Variants in ITPR2 observed in about 807,000 individuals in gnomAD.
ITPR2 encodes inositol 1,4,5-trisphosphate receptor type 2, also known as inositol 1,4,5-trisphosphate-gated calcium channel ITPR2.
ITPR2 carries 207 observed loss-of-function variants against 317.1 expected under a neutral mutation model. The ratio of observed to expected loss-of-function variants is 0.65; its 90% CI spans 0.58 to 0.73. The LOEUF is 0.73. ITPR2 is among the 30% of genes least tolerant of loss of function. The pLI, the probability that ITPR2 is intolerant of heterozygous loss-of-function variation, is 0.00. For missense variants in ITPR2, 2,613 were observed against 3,284.0 expected (o/e 0.80, Z 4.99); for synonymous variants, 1,156 against 1,149.1 (o/e 1.01, Z -0.12).
At chr12:26,727,754 A>G (rs1948955847) in intron 2 of ITPR2, among the ~76,000 whole-genome samples, 1 of 152,234 alleles carries the variant, frequency 6.6e-6, no homozygotes, top group African/African-American at 2.4e-5. Context: ...AAGCTTCACA[A>G]GGGAGCTCTG....
At chr12:26,388,967 C>A (rs1939750800) in intron 54 of ITPR2, among the ~76,000 whole-genome samples, 1 of 152,174 alleles carries the variant, frequency 6.6e-6, no homozygotes, top group African/African-American at 2.4e-5. Context: ...ATTCTTGAAT[C>A]CTCTCCGCCT....
At chr12:26,446,776 T>C (rs1202422207) in intron 45 of ITPR2, among the ~76,000 whole-genome samples, 1 of 148,646 alleles carries the variant, frequency 6.7e-6, no homozygotes, top group East Asian at 2.0e-4. Context: ...CCTTCACATG[T>C]TCAAAGTATT....
intron 45 of ITPR2, among the ~76,000 whole-genome samples, chr12:26,463,918 C>A (rs1327763912): frequency 1.3e-5 from 2 of 152,130 alleles, no homozygotes; most frequent in Non-Finnish European, 2.9e-5. Context: ...ACACGCACAG[C>A]ACGCTAAATA....
At chr12:26,530,520 T>C (rs1591863255) in intron 37 of ITPR2, among the ~76,000 whole-genome samples, 1 of 152,198 alleles carries the variant, frequency 6.6e-6, no homozygotes, top group South Asian at 2.1e-4. Flanking sequence ...AAGACCATTG[T>C]TCTCTGGCTC....
intron 26 of ITPR2, among the ~76,000 whole-genome samples, chr12:26,610,211 T>C (rs1437178849): frequency 1.3e-5 from 2 of 152,228 alleles, no homozygotes; most frequent in Non-Finnish European, 2.9e-5. Flanking sequence ...TCTACCAGAT[T>C]CTGTCAAAAG....
At chr12:26,486,879 C>T (rs1246877919) in intron 40 of ITPR2, 189 bp downstream of exon 40, 2 of 698,596 alleles carry the variant, frequency 2.9e-6, no homozygotes, top group Admixed American at 4.0e-5. Context: ...CTGATTATGT[C>T]TCATTTAAGT....
At chr12:26,792,778 T>C (rs1950365352) in intron 1 of ITPR2, among the ~76,000 whole-genome samples, 1 of 152,224 alleles carries the variant, frequency 6.6e-6, no homozygotes, top group African/African-American at 2.4e-5. Context: ...CAGTTCTTTC[T>C]TCTGGGACTA....
At chr12:26,724,511 AC>A in intron 4 of ITPR2, 144 bp downstream of exon 4, 1 of 650,126 alleles carries the variant, frequency 1.5e-6, no homozygotes, top group Non-Finnish European at 2.8e-6. Flanking sequence ...TCAAATGAAT[AC>A]ATCACAATAC....
At chr12:26,520,062 ATTC>A (rs1943623384) in intron 37 of ITPR2, among the ~76,000 whole-genome samples, 2 of 152,226 alleles carry the variant, frequency 1.3e-5, no homozygotes, top group Non-Finnish European at 2.9e-5. Context: ...GAAAGAAACT[ATTC>A]TTGTTACATT....
intron 33 of ITPR2, among the ~76,000 whole-genome samples, chr12:26,579,095 A>G (rs1945337498): frequency 1.3e-5 from 2 of 152,144 alleles, no homozygotes; most frequent in African/African-American, 4.8e-5. Flanking sequence ...CCATTTCCTG[A>G]AGCCAATGAC....
At chr12:26,601,921 T>C (rs1946008091) in intron 28 of ITPR2, among the ~76,000 whole-genome samples, 1 of 152,208 alleles carries the variant, frequency 6.6e-6, no homozygotes, top group South Asian at 2.1e-4. Flanking sequence ...GATGCCTAAC[T>C]GTATTAATCA....
intron 1 of ITPR2, among the ~76,000 whole-genome samples, chr12:26,799,974 C>T (rs1950526377): frequency 6.6e-6 from 1 of 152,192 alleles, no homozygotes; most frequent in Non-Finnish European, 1.5e-5. Flanking sequence ...AGGTCCAGAT[C>T]TTTACCACCA....
chr12:26,557,434 A>C (rs1944693680), intron 35 of ITPR2, among the ~76,000 whole-genome samples: 1 of 152,222 alleles, frequency 6.6e-6, no homozygotes, highest in Non-Finnish European at 1.5e-5. Context: ...ATTATGCGAC[A>C]CAGTCCCAGT....
At chr12:26,802,418 CAGG>C (rs1407690961) in intron 1 of ITPR2, among the ~76,000 whole-genome samples, 1 of 151,906 alleles carries the variant, frequency 6.6e-6, no homozygotes, top group African/African-American at 2.4e-5. Flanking sequence ...GAGGCCGAGG[CAGG>C]AGGAGCATTT....
intron 45 of ITPR2, 89 bp downstream of exon 45, chr12:26,475,207 G>C (rs2136821035): frequency 6.9e-7 from 1 of 1,442,234 alleles, no homozygotes; most frequent in Non-Finnish European, 9.6e-7. Context: ...ATAAATGAAG[G>C]GACCAGAACT....
At chr12:26,679,579 A>C (rs1366536929) in intron 13 of ITPR2, among the ~76,000 whole-genome samples, 12 of 152,154 alleles carry the variant, frequency 7.9e-5, no homozygotes, top group African/African-American at 2.7e-4. Context: ...TGGTTCTTCT[A>C]ATTGCTTAAA....
Position 26,340,079 on chromosome 12 carries a change from A to T in ITPR2, c.8019+88T>A, listed in dbSNP as rs1938055757. The T allele has an allele frequency of 7.0e-6, 9 of 1,291,962 alleles. No homozygotes were observed. The South Asian group carries it at 9.6e-5, about 14-fold the overall frequency. The allele number at this position is 1,291,962 out of a possible 1,614,324, so 80.0% of individuals were successfully genotyped here. On this transcript the variant is annotated intron_variant, in intron 56 of 56. Transcript: ENST00000381340. ...AGTTTGCAATTCTCTGTGGATAATG[A>T]CCTGGCTCCCTGGACCCTCTGTCTC...
At chr12:26,355,424 T>C (rs188184369) in intron 55 of ITPR2, among the ~76,000 whole-genome samples, 1 of 115,890 alleles carries the variant, frequency 8.6e-6, no homozygotes, top group Non-Finnish European at 1.9e-5. Context: ...CAACTAAGAA[T>C]GAAATAATTC....
intron 37 of ITPR2, among the ~76,000 whole-genome samples, chr12:26,500,705 C>T (rs1239999441): frequency 6.6e-6 from 1 of 152,108 alleles, no homozygotes; most frequent in East Asian, 1.9e-4. Context: ...TTGGGTTTTT[C>T]CCACCCACTC....
Sources: gnomAD v4.1 joint callset for allele counts (sites outside exome capture counted in the v4.1 genomes callset) on GRCh38, gnomAD v4.1.1 for gene constraint, MANE v1.5 for transcripts, NCBI Gene and HGNC (gene_info 2026-07-23, HGNC 2026-07-21) for gene names.